The following NEURL1 variants were observed in gnomAD, a reference collection of about 807,000 sequenced individuals.
The protein encoded by NEURL1 is neuralized E3 ubiquitin protein ligase 1.
Under a neutral mutation model 41.2 loss-of-function variants are expected in NEURL1, and 26 were observed. The observed-to-expected ratio is 0.63, with a 90% CI of 0.46 to 0.87. The LOEUF (loss-of-function observed/expected upper bound fraction) is 0.87, where lower values mean the gene tolerates loss of function less well. Ranked by LOEUF, NEURL1 falls within the 40% of genes least tolerant of loss-of-function variation. The pLI is 0.00. For synonymous variants in NEURL1, 400 were observed against 402.3 expected (o/e 0.99, Z 0.07); for missense variants, 761 against 871.1 (o/e 0.87, Z 1.59).
At chr10:103,522,784 T>A (rs1411279492) in intron 1 of NEURL1, among the ~76,000 whole-genome samples, 1 of 152,116 alleles carries the variant, frequency 6.6e-6, no homozygotes, top group East Asian at 1.9e-4. Context: ...AGAGCCATGA[T>A]CCGCTGGTTG....
At chr10:103,576,795 A>T (rs2035675849) in intron 3 of NEURL1, among the ~76,000 whole-genome samples, 1 of 152,134 alleles carries the variant, frequency 6.6e-6, no homozygotes. Context: ...GGTCTTGGTA[A>T]AAGACCCACG....
intron 3 of NEURL1, among the ~76,000 whole-genome samples, chr10:103,576,668 G>A (rs1286377214): frequency 6.6e-6 from 1 of 152,074 alleles, no homozygotes; most frequent in Non-Finnish European, 1.5e-5. Flanking sequence ...GAGGGAGGAG[G>A]CTATCAACAC....
intron 1 of NEURL1, among the ~76,000 whole-genome samples, chr10:103,542,553 A>G (rs1051315611): frequency 6.6e-6 from 1 of 152,124 alleles, no homozygotes; most frequent in African/African-American, 2.4e-5. Context: ...GTGAGCCACC[A>G]CACTTGGCTC....
chr10:103,562,890 C>A (rs2035334301), intron 1 of NEURL1, among the ~76,000 whole-genome samples: 1 of 152,172 alleles, frequency 6.6e-6, no homozygotes, highest in African/African-American at 2.4e-5. Context: ...GAGGTGGAGG[C>A]CCCTTTAGGG....
intron 1 of NEURL1, among the ~76,000 whole-genome samples, chr10:103,533,710 G>T (rs1285288291): frequency 6.6e-6 from 1 of 152,102 alleles, no homozygotes; most frequent in Non-Finnish European, 1.5e-5. Flanking sequence ...CTAATTTTTT[G>T]TATTTTTAGT....
intron 1 of NEURL1, among the ~76,000 whole-genome samples, chr10:103,510,968 GC>G (rs2034055211): frequency 6.6e-6 from 1 of 152,146 alleles, no homozygotes. Flanking sequence ...CATTTCCACT[GC>G]CCAGGTCACA....
intron 1 of NEURL1, among the ~76,000 whole-genome samples, chr10:103,521,324 C>T (rs1215088065): frequency 6.6e-6 from 1 of 152,136 alleles, no homozygotes; most frequent in African/African-American, 2.4e-5. Flanking sequence ...ACCGCAGTGG[C>T]CTTCTCAGAC....
intron 2 of NEURL1, 131 bp downstream of exon 2, chr10:103,571,244 T>C: frequency 2.0e-6 from 2 of 990,616 alleles, no homozygotes; most frequent in Non-Finnish European, 3.0e-6. Flanking sequence ...GCCCCTGCCT[T>C]TCCTCTCTGG....
intron 1 of NEURL1, among the ~76,000 whole-genome samples, chr10:103,562,413 G>T (rs892055964): frequency 6.6e-6 from 1 of 152,092 alleles, no homozygotes; most frequent in African/African-American, 2.4e-5. Flanking sequence ...AAAAGAAAGT[G>T]GTCTCTGCCC....
chr10:103,584,592 C>A lies in NEURL1; in HGVS notation c.706C>A (p.Arg236=). The change falls in exon 4 of 6, where the codon CGG becomes AGG. Residue 236 remains arginine (R), a synonymous_variant. Transcript: ENST00000369780. ...LRPRSFTALR[R]PSLRREADDA... ...GCCGCGCTCCTTCACCGCCCTGCGG[C>A]GGCCGTCGCTGCGGCGCGAGGCGGA... 1 of 1,413,922 alleles carries A rather than the reference C, an allele frequency of 7.1e-7. No homozygotes were observed. Among genetic ancestry groups the A allele is most frequent in the Non-Finnish European group, 9.2e-7 (1 of 1,089,776 alleles). The allele number at this position is 1,413,922 out of a possible 1,614,324, so 87.6% of individuals were successfully genotyped here.
At chr10:103,575,741 A>T (rs2035648103) in intron 3 of NEURL1, among the ~76,000 whole-genome samples, 1 of 149,192 alleles carries the variant, frequency 6.7e-6, no homozygotes, top group Non-Finnish European at 1.5e-5. Context: ...AGTTCTGCAG[A>T]TCACCTCTTT....
chr10:103,514,069 C>T (rs577521414), intron 1 of NEURL1, among the ~76,000 whole-genome samples: 3 of 152,020 alleles, frequency 2.0e-5, no homozygotes, highest in South Asian at 4.2e-4. Context: ...CAGGAGGTCT[C>T]CTGGATGAAC....
chr10:103,547,062 G>A (rs2034937737), intron 1 of NEURL1, among the ~76,000 whole-genome samples: 1 of 152,214 alleles, frequency 6.6e-6, no homozygotes, highest in African/African-American at 2.4e-5. Context: ...ACATTGTTCT[G>A]AGCACACGAC....
chr10:103,521,298 C>T (rs965631065), intron 1 of NEURL1, among the ~76,000 whole-genome samples: 3 of 152,154 alleles, frequency 2.0e-5, no homozygotes, highest in South Asian at 2.1e-4. Flanking sequence ...TTATGTCTGA[C>T]AGAAGGGAAG....
chr10:103,562,157 G>A (rs892025485), intron 1 of NEURL1, among the ~76,000 whole-genome samples: 1 of 152,302 alleles, frequency 6.6e-6, no homozygotes, highest in African/African-American at 2.4e-5. Context: ...GGCCTAGGCG[G>A]GCAGATCATG....
chr10:103,580,822 G>T (rs1295263288), intron 3 of NEURL1, among the ~76,000 whole-genome samples: 1 of 152,134 alleles, frequency 6.6e-6, no homozygotes, highest in Non-Finnish European at 1.5e-5. Flanking sequence ...TTTCAAGCAA[G>T]GCTAAAGGGA....
chr10:103,589,730 C>T (rs528957287), intron 5 of NEURL1, 70 bp downstream of exon 5: 36 of 1,539,122 alleles, frequency 2.3e-5, no homozygotes, highest in South Asian at 1.0e-4. Context: ...CCTTTGTGTC[C>T]GGGGCTGGGA....
chr10:103,527,135 G>C (rs777498177), intron 1 of NEURL1, among the ~76,000 whole-genome samples: 5 of 152,086 alleles, frequency 3.3e-5, no homozygotes, highest in Non-Finnish European at 7.4e-5. Flanking sequence ...CCTCCCTTTA[G>C]ACCATATAGG....
chr10:103,525,606 C>T (rs975345368), intron 1 of NEURL1, among the ~76,000 whole-genome samples: 3 of 152,046 alleles, frequency 2.0e-5, no homozygotes, highest in Admixed American at 6.6e-5. Context: ...CACCAGCCTC[C>T]TCCTCCCAAA....
Sources: allele counts gnomAD v4.1 joint callset (sites outside exome capture counted in the v4.1 genomes callset), GRCh38; gene constraint gnomAD v4.1.1; transcripts MANE v1.5; gene names NCBI Gene and HGNC (gene_info 2026-07-23, HGNC 2026-07-21).